Variants in VAV2 observed in about 807,000 individuals in gnomAD.
The protein encoded by VAV2 is guanine nucleotide exchange factor VAV2.
A neutral mutation model predicts 132.5 loss-of-function variants in VAV2; 67 were observed. The ratio of observed to expected loss-of-function variants is 0.51; its 90% confidence interval spans 0.42 to 0.62. The LOEUF (loss-of-function observed/expected upper bound fraction) is 0.62. Among genes scored for constraint, VAV2 ranks in the 20% least tolerant of loss-of-function variants. VAV2 has a pLI of 0.00. For missense variants in VAV2, 938 were observed against 1,153.6 expected (o/e 0.81, Z 2.71); for synonymous variants, 492 against 443.5 (o/e 1.11, Z -1.37).
At chr9:133,948,180 G>A (rs1360056726) in intron 1 of VAV2, among the ~76,000 whole-genome samples, 1 of 152,230 alleles carries the variant, frequency 6.6e-6, no homozygotes, top group Non-Finnish European at 1.5e-5. Context: ...TCCAGGCAGG[G>A]AAAGCACAGC....
intron 26 of VAV2, among the ~76,000 whole-genome samples, 198 bp downstream of exon 26, chr9:133,771,760 TG>T (rs906417062): frequency 6.6e-6 from 1 of 152,186 alleles, no homozygotes; most frequent in Non-Finnish European, 1.5e-5. Flanking sequence ...GCTCAGGCTT[TG>T]GGGGTCAGAA....
chr9:133,964,050 C>CATATATATATATAT (rs757580734), intron 1 of VAV2, among the ~76,000 whole-genome samples: 3 of 84,912 alleles, frequency 3.5e-5, no homozygotes, highest in East Asian at 2.8e-4. Context: ...TATATATATA[C>CATATATATATATAT]ATATATATAC....
intron 12 of VAV2, among the ~76,000 whole-genome samples, chr9:133,792,517 GGTGT>G (rs1431810096): frequency 2.0e-5 from 3 of 148,398 alleles, no homozygotes; most frequent in African/African-American, 7.5e-5. Flanking sequence ...CGTGTGATTG[GGTGT>G]GTGTTATTGT....
At chr9:133,890,612 A>C (rs1838894851) in intron 2 of VAV2, among the ~76,000 whole-genome samples, 1 of 150,744 alleles carries the variant, frequency 6.6e-6, no homozygotes, top group South Asian at 2.1e-4. Context: ...AGCACTCCCC[A>C]CCCTCCCTTG....
At chr9:133,943,837 C>T (rs762529993) in intron 1 of VAV2, among the ~76,000 whole-genome samples, 3 of 152,360 alleles carry the variant, frequency 2.0e-5, no homozygotes, top group South Asian at 2.1e-4. Flanking sequence ...CCTTTCTCTC[C>T]GGCCCATTCA....
chr9:133,896,331 G>C (rs1839202859), intron 2 of VAV2, among the ~76,000 whole-genome samples: 1 of 152,172 alleles, frequency 6.6e-6, no homozygotes, highest in Non-Finnish European at 1.5e-5. Context: ...GCAGGTGCCT[G>C]TAATCCCAGC....
rs1835064795 is a variant in VAV2 at position 133,804,650 on chromosome 9, G to C, written c.836+1431C>G. Among the ~76,000 whole-genome samples, 1 of 152,214 alleles carries C rather than the reference G, an allele frequency of 6.6e-6. No individual in the cohort carries two copies. The highest frequency in any genetic ancestry group is 2.4e-5 in the African/African-American group (1 of 41,454). On this transcript the variant is annotated intron_variant, in intron 9 of 29. Coordinates refer to ENST00000371850, the MANE Select transcript of VAV2 (RefSeq NM_001134398.2). The surrounding 1 kb of genome is among the most constrained non-coding windows in gnomAD (Gnocchi z 4.5). The stretch of plus-strand genomic sequence containing the variant: ...TGGCTCCCTCCCTTCCTGGCCGAGG[G>C]ACAGCATGAACAAGGCGCTGAAAAG...
Position 133,769,495 on chromosome 9 carries a change from C to T in VAV2, c.2356G>A (p.Ala786Thr). The T allele has an allele frequency of 6.2e-7, 1 of 1,612,024 alleles. No individual in the cohort carries two copies. The highest frequency in any genetic ancestry group is 1.1e-5 in the South Asian group (1 of 90,558). The change falls in exon 28 of 30, where the codon GCT becomes ACT. Residue 786 changes from alanine to threonine, a missense_variant. Transcript: ENST00000371850. The surrounding 1 kb of genome is among the most constrained non-coding windows in gnomAD (Gnocchi z 8.1). ...RASSRSPASC[A>T]SYNFSFLSPQ... is the part of the protein sequence containing the mutation. The stretch of plus-strand genomic sequence containing the variant: ...CTGAGAAAAGAAAAGTTGTAGGAAG[C>T]ACAGGAAGCTGCAAAGAGGCGAGAG...
At chr9:133,911,210 C>A (rs1839874188) in intron 2 of VAV2, among the ~76,000 whole-genome samples, 1 of 152,234 alleles carries the variant, frequency 6.6e-6, no homozygotes, top group African/African-American at 2.4e-5. Context: ...GAGCCTGCCT[C>A]ACTCACTAAG....
intron 1 of VAV2, among the ~76,000 whole-genome samples, chr9:133,986,103 C>T (rs80092190): frequency 0.016 from 2,445 of 152,252 alleles, 63 homozygotes; most frequent in African/African-American, 0.055. Context: ...TCTTTAAGTA[C>T]GTGTTAACAG....
In VAV2 at chr9:133,961,527, A is replaced by AC. The variant is rs574029495; in HGVS notation, c.205-22309dup. Among the ~76,000 whole-genome samples, 21 of 151,572 alleles carry AC rather than the reference A, an allele frequency of 1.4e-4. No individual in the cohort carries two copies. The South Asian group carries it at 3.6e-3, about 26-fold the overall frequency. On this transcript the variant is annotated intron_variant, in intron 1 of 29. Coordinates refer to ENST00000371850, the MANE Select transcript of VAV2 (RefSeq NM_001134398.2). The surrounding 1 kb of genome is among the most constrained non-coding windows in gnomAD (Gnocchi z 4.1). ...AGAGGCATGGAGGGAGCCCTTTCCCACCCCCCGCTCAACAGGAACACAGCT... is the reference window on the plus strand; with the variant it reads ...AGAGGCATGGAGGGAGCCCTTTCCCACCCCCCCGCTCAACAGGAACACAGCT...
chr9:133,952,451 A>T lies in VAV2; in HGVS notation c.205-13232T>A, dbSNP rs533198202. Among the ~76,000 whole-genome samples, 4 of 152,128 alleles carry T rather than the reference A, an allele frequency of 2.6e-5. No homozygotes were observed. The South Asian group carries it at 8.3e-4, about 32-fold the overall frequency. The stretch of plus-strand genomic sequence containing the variant: ...ACCCCATCTCTACTAAAGATACAAA[A>T]AATTAGCCAGGCATGGTGGCACGCA... On this transcript the variant is annotated intron_variant, in intron 1 of 29. Coordinates refer to ENST00000371850, the MANE Select transcript of VAV2 (RefSeq NM_001134398.2).
chr9:133,850,986 A>G (rs1837145731), intron 3 of VAV2, among the ~76,000 whole-genome samples: 2 of 152,238 alleles, frequency 1.3e-5, no homozygotes, highest in African/African-American at 4.8e-5. Context: ...CTGCCCGAGT[A>G]GGCCTAGGGC....
At chr9:133,914,681 AT>A in intron 2 of VAV2, among the ~76,000 whole-genome samples, 1 of 15,450 alleles carries the variant, frequency 6.5e-5, no homozygotes, top group African/African-American at 3.3e-4. Context: ...GAAGCAAGGG[AT>A]GGGGGAGGGA....
intron 2 of VAV2, among the ~76,000 whole-genome samples, chr9:133,899,797 GGATCACGAGGTCAGGAGGTC>G: frequency 6.7e-6 from 1 of 150,020 alleles, no homozygotes. Context: ...CGAGGCGGGT[GGATCACGAGGTCAGGAGGTC>G]GAGACCATCC....
intron 29 of VAV2, among the ~76,000 whole-genome samples, chr9:133,767,540 A>C (rs622035): frequency 0.12 from 18,591 of 152,232 alleles, 1,846 homozygotes; most frequent in East Asian, 0.54. Flanking sequence ...CAATCACACA[A>C]GGACCACTTT....
In VAV2 at chr9:133,919,575, A is replaced by T. The variant is rs1463094856; in HGVS notation, c.321+19528T>A. ...CAAGGGCTGCCCACTCAGCAAGGGA[A>T]GCCACCAGGACACCGGGTTTTTCCT... On this transcript the variant is annotated intron_variant, in intron 2 of 29. Transcript: ENST00000371850. The surrounding 1 kb of genome is among the most constrained non-coding windows in gnomAD (Gnocchi z 5.8). Among the ~76,000 whole-genome samples, 1 of 152,218 alleles carries T rather than the reference A, an allele frequency of 6.6e-6. No homozygotes were observed. Among genetic ancestry groups the T allele is most frequent in the Non-Finnish European group, 1.5e-5 (1 of 68,036 alleles).
chr9:133,802,408 CT>C lies in VAV2; in HGVS notation c.836+3672del, dbSNP rs1426636903. Among the ~76,000 whole-genome samples, 1 of 151,814 alleles carries C rather than the reference CT, an allele frequency of 6.6e-6. No homozygotes were observed. The highest frequency in any genetic ancestry group is 1.9e-4 in the East Asian group (1 of 5,144). On this transcript the variant is annotated intron_variant, in intron 9 of 29. Transcript: ENST00000371850. The surrounding 1 kb of genome is among the most constrained non-coding windows in gnomAD (Gnocchi z 5.8). ...AGCACCTCCCAGGGGCAGCCTCCCC[CT>C]CCCCCGCCCCACTCCGGCTGACTCC...
chr9:133,920,299 C>T (rs1181674407), intron 2 of VAV2, among the ~76,000 whole-genome samples: 1 of 152,254 alleles, frequency 6.6e-6, no homozygotes, highest in Non-Finnish European at 1.5e-5. Flanking sequence ...CCTCACCAGG[C>T]CTCAGTGTCC....
Sources: allele counts gnomAD v4.1 joint callset (sites outside exome capture counted in the v4.1 genomes callset), GRCh38; gene constraint gnomAD v4.1.1; non-coding constraint Gnocchi (gnomAD v3.1); transcripts MANE v1.5; gene names NCBI Gene and HGNC (gene_info 2026-07-23, HGNC 2026-07-21).